The following KCNMA1 variants were observed in gnomAD, a reference collection of about 807,000 sequenced individuals.
KCNMA1 encodes the protein Calcium-activated potassium channel subunit alpha-1.
KCNMA1 carries 29 observed loss-of-function variants against 140.0 expected under a neutral mutation model. The observed-to-expected ratio is 0.21, with a 90% CI of 0.15 to 0.28. KCNMA1 has a LOEUF of 0.28. Ranked by LOEUF, KCNMA1 falls within the 10% of genes least tolerant of loss-of-function variation. The pLI, the probability that KCNMA1 is intolerant of heterozygous loss-of-function variation, is 1.00. For missense variants in KCNMA1, 880 were observed against 1,602.2 expected (o/e 0.55, Z 7.70); for synonymous variants, 612 against 611.9 (o/e 1.00, Z 0.00).
chr10:77,069,660 G>C (rs923046251), intron 14 of KCNMA1, among the ~76,000 whole-genome samples: 1 of 152,146 alleles, frequency 6.6e-6, no homozygotes, highest in South Asian at 2.1e-4. Context: ...ATCCACATAG[G>C]AGTGAGGTTT....
chr10:76,969,130 A>G (rs570870929), intron 20 of KCNMA1, among the ~76,000 whole-genome samples: 38 of 152,210 alleles, frequency 2.5e-4, no homozygotes, highest in Middle Eastern at 3.4e-3. Flanking sequence ...GAAGACAAAA[A>G]GGGGAGATAA....
rs533702374 is a variant in KCNMA1 at position 76,962,668 on chromosome 10, C to T, written c.2360+7306G>A. Among the ~76,000 whole-genome samples the T allele has an allele frequency of 1.8e-3, 281 of 152,272 alleles. 2 individuals are homozygous for T. Among genetic ancestry groups the T allele is most frequent in the African/African-American group, 6.2e-3 (257 of 41,550 alleles). On this transcript the variant is annotated intron_variant, in intron 20 of 27. Coordinates refer to ENST00000286628, the MANE Select transcript of KCNMA1 (RefSeq NM_001161352.2). ...CTGGGAACTTCTAGAGATGCTCCTT[C>T]GGCAATAATAATTTCCATGTCTGTT...
chr10:77,280,400 G>A (rs1252508143), intron 2 of KCNMA1, among the ~76,000 whole-genome samples: 1 of 152,226 alleles, frequency 6.6e-6, no homozygotes, highest in Non-Finnish European at 1.5e-5. Context: ...CTGTCCAAGA[G>A]AAGTTCCATT....
At chr10:77,552,415 T>A (rs904532241) in intron 1 of KCNMA1, among the ~76,000 whole-genome samples, 5 of 152,156 alleles carry the variant, frequency 3.3e-5, no homozygotes, top group African/African-American at 1.2e-4. Context: ...CATAAACACA[T>A]TTCAGGGATG....
intron 22 of KCNMA1, among the ~76,000 whole-genome samples, chr10:76,948,002 G>GTTCTGTTTTTGT (rs2064818429): frequency 5.3e-5 from 1 of 18,990 alleles, no homozygotes; most frequent in African/African-American, 1.9e-4. Context: ...GTTGTTTCTT[G>GTTCTGTTTTTGT]TTTTGTTTTT....
intron 14 of KCNMA1, among the ~76,000 whole-genome samples, chr10:77,056,458 T>C (rs575511904): frequency 6.6e-6 from 1 of 151,970 alleles, no homozygotes; most frequent in East Asian, 1.9e-4. Flanking sequence ...AATAAAATTA[T>C]CAACATTCTT....
At chr10:77,547,993 C>A (rs1217332071) in intron 1 of KCNMA1, among the ~76,000 whole-genome samples, 1 of 144,236 alleles carries the variant, frequency 6.9e-6, no homozygotes. Flanking sequence ...TATTATCTGG[C>A]CTTTTACAAA....
intron 1 of KCNMA1, among the ~76,000 whole-genome samples, chr10:77,565,803 C>T (rs2719978): frequency 0.71 from 107,975 of 152,062 alleles, 39,133 homozygotes; most frequent in South Asian, 0.86. Flanking sequence ...CATCTGGAGA[C>T]GCAAACCCTA....
At chr10:77,187,126 T>G (rs1160006550) in intron 3 of KCNMA1, among the ~76,000 whole-genome samples, 1 of 151,928 alleles carries the variant, frequency 6.6e-6, no homozygotes, top group Non-Finnish European at 1.5e-5. Flanking sequence ...GCCTCTGTGG[T>G]TAATTTGGTG....
chr10:77,172,798 T>C (rs139954924), intron 5 of KCNMA1, among the ~76,000 whole-genome samples: 1 of 152,004 alleles, frequency 6.6e-6, no homozygotes, highest in African/African-American at 2.4e-5. Flanking sequence ...ACAACAGCAA[T>C]TGATTGCTCA....
intron 2 of KCNMA1, among the ~76,000 whole-genome samples, chr10:77,374,147 C>T (rs1367049043): frequency 1.3e-5 from 2 of 152,180 alleles, no homozygotes; most frequent in African/African-American, 4.8e-5. Flanking sequence ...CAAACCCTTC[C>T]CCAGGTGCCC....
At chr10:77,514,142 C>T (rs2049423275) in intron 1 of KCNMA1, among the ~76,000 whole-genome samples, 1 of 152,240 alleles carries the variant, frequency 6.6e-6, no homozygotes, top group African/African-American at 2.4e-5. Context: ...GTGGCCTCCC[C>T]TCTGCCTGCC....
chr10:76,984,888 A>G (rs751486807), intron 19 of KCNMA1, among the ~76,000 whole-genome samples: 2 of 152,242 alleles, frequency 1.3e-5, no homozygotes, highest in African/African-American at 4.8e-5. Context: ...ACAGTTTTAG[A>G]TATTTATTTT....
At chr10:77,508,192 T>C (rs981750180) in intron 1 of KCNMA1, among the ~76,000 whole-genome samples, 1 of 152,198 alleles carries the variant, frequency 6.6e-6, no homozygotes, top group African/African-American at 2.4e-5. Flanking sequence ...TGATTTTATT[T>C]TGAGACAGGG....
At chr10:77,015,786 A>C (rs2091911200) in intron 17 of KCNMA1, among the ~76,000 whole-genome samples, 1 of 151,980 alleles carries the variant, frequency 6.6e-6, no homozygotes, top group African/African-American at 2.4e-5. Context: ...ACTTCTGCCC[A>C]ATTCATTGGG....
intron 1 of KCNMA1, among the ~76,000 whole-genome samples, chr10:77,491,577 C>T (rs1603629151): frequency 6.6e-6 from 1 of 152,178 alleles, no homozygotes; most frequent in East Asian, 1.9e-4. Flanking sequence ...TTGCTGAGGA[C>T]TGCAGGATGA....
intron 1 of KCNMA1, among the ~76,000 whole-genome samples, chr10:77,471,981 A>C (rs1413020233): frequency 6.8e-6 from 1 of 146,880 alleles, no homozygotes; most frequent in Non-Finnish European, 1.5e-5. Context: ...TCACACACAC[A>C]TAATGCCACA....
intron 1 of KCNMA1, among the ~76,000 whole-genome samples, chr10:77,566,646 C>T (rs992846979): frequency 7.9e-5 from 12 of 152,174 alleles, no homozygotes; most frequent in Non-Finnish European, 1.5e-5. Context: ...AACTTGGACT[C>T]ACACCAGGAA....
intron 2 of KCNMA1, among the ~76,000 whole-genome samples, chr10:77,265,002 C>T (rs188828477): frequency 1.0e-3 from 155 of 152,032 alleles, no homozygotes; most frequent in African/African-American, 3.6e-3. Context: ...TTTTCATTCT[C>T]GGGCAAAGCA....
Sources: allele counts gnomAD v4.1 joint callset (sites outside exome capture counted in the v4.1 genomes callset), GRCh38; gene constraint gnomAD v4.1.1; transcripts MANE v1.5; gene names NCBI Gene and HGNC (gene_info 2026-07-23, HGNC 2026-07-21).